The following TSHZ2 variants were observed in gnomAD, a reference collection of about 807,000 sequenced individuals.
The protein encoded by TSHZ2 is teashirt homolog 2.
A neutral mutation model predicts 74.4 loss-of-function variants in TSHZ2; 21 were observed. The ratio of observed to expected loss-of-function variants is 0.28; its 90% confidence interval spans 0.20 to 0.41. The LOEUF (loss-of-function observed/expected upper bound fraction) is 0.41, where lower values mean the gene tolerates loss of function less well. Among genes scored for constraint, TSHZ2 ranks in the 10% least tolerant of loss-of-function variants. TSHZ2 has a pLI of 1.00. For synonymous variants in TSHZ2, 540 were observed against 515.3 expected (o/e 1.05, Z -0.65); for missense variants, 1,244 against 1,293.5 (o/e 0.96, Z 0.59).
intron 1 of TSHZ2, among the ~76,000 whole-genome samples, chr20:53,150,761 T>A (rs903131751): frequency 6.6e-6 from 1 of 151,448 alleles, no homozygotes; most frequent in Non-Finnish European, 1.5e-5. Context: ...AAGGAGAAGA[T>A]CTTAAAAAGA....
intron 2 of TSHZ2, among the ~76,000 whole-genome samples, chr20:53,458,391 G>T (rs1331147644): frequency 6.6e-6 from 1 of 151,942 alleles, no homozygotes; most frequent in Admixed American, 6.6e-5. Flanking sequence ...TATTTCTGTG[G>T]GATCAGTGGT....
At chr20:53,341,900 G>T (rs543420217) in intron 2 of TSHZ2, among the ~76,000 whole-genome samples, 15 of 152,228 alleles carry the variant, frequency 9.9e-5, no homozygotes, top group African/African-American at 3.4e-4. Context: ...TAGTAGAGAA[G>T]GGGCTTCACC....
intron 2 of TSHZ2, among the ~76,000 whole-genome samples, chr20:53,363,674 G>A (rs186289112): frequency 6.6e-5 from 10 of 152,332 alleles, no homozygotes; most frequent in East Asian, 3.9e-4. Flanking sequence ...GTGACTGGGC[G>A]TGGTGGCTCA....
intron 1 of TSHZ2, among the ~76,000 whole-genome samples, chr20:53,034,788 C>G (rs1462972160): frequency 2.0e-5 from 3 of 152,102 alleles, no homozygotes; most frequent in African/African-American, 7.2e-5. Flanking sequence ...AGAGAATGGC[C>G]CATGGTAAAG....
At chr20:52,974,838 G>T (rs917030702) in intron 1 of TSHZ2, among the ~76,000 whole-genome samples, 1 of 152,128 alleles carries the variant, frequency 6.6e-6, no homozygotes, top group Non-Finnish European at 1.5e-5. Flanking sequence ...TGGTTCAAGT[G>T]GCATGCAGAA....
At chr20:53,449,098 C>A (rs1034335413) in intron 2 of TSHZ2, among the ~76,000 whole-genome samples, 1 of 152,138 alleles carries the variant, frequency 6.6e-6, no homozygotes, top group Non-Finnish European at 1.5e-5. Context: ...TGACTCATCA[C>A]CCCCCAACAC....
chr20:53,487,045 G>A (rs1304239024), intron 2 of TSHZ2, 99 bp from the exon 3 acceptor site: 1 of 152,504 alleles, frequency 6.6e-6, no homozygotes, highest in Non-Finnish European at 1.5e-5. Flanking sequence ...GACAAATAAA[G>A]TAGTGGAGGT....
At chr20:53,131,410 G>A (rs1987096939) in intron 1 of TSHZ2, among the ~76,000 whole-genome samples, 1 of 152,162 alleles carries the variant, frequency 6.6e-6, no homozygotes, top group Non-Finnish European at 1.5e-5. Context: ...TCTAGCTGGA[G>A]GCCATTCTCT....
chr20:53,098,483 C>A (rs571042435), intron 1 of TSHZ2, among the ~76,000 whole-genome samples: 1 of 152,122 alleles, frequency 6.6e-6, no homozygotes, highest in Non-Finnish European at 1.5e-5. Flanking sequence ...ACTGTCCTAG[C>A]AATTAGTAAG....
intron 2 of TSHZ2, among the ~76,000 whole-genome samples, chr20:53,440,665 G>A (rs139523201): frequency 5.6e-4 from 86 of 152,286 alleles, no homozygotes; most frequent in South Asian, 2.3e-3. Context: ...TGGCTGTGCC[G>A]TAGAGTTGGG....
intron 2 of TSHZ2, among the ~76,000 whole-genome samples, chr20:53,277,876 G>A (rs1336523381): frequency 6.6e-6 from 1 of 152,152 alleles, no homozygotes; most frequent in East Asian, 1.9e-4. Flanking sequence ...TCCACCCAGA[G>A]GAGTTTTGAT....
chr20:53,323,062 T>C (rs952918752), intron 2 of TSHZ2, among the ~76,000 whole-genome samples: 2 of 152,118 alleles, frequency 1.3e-5, no homozygotes, highest in African/African-American at 4.8e-5. Context: ...GCCACAAAAG[T>C]CCCAAGCAAA....
At position 53,493,472 on chromosome 20, in the gene TSHZ2, AT is replaced by A. The variant is rs889172403; in HGVS notation, c.*6344del. The A allele has an allele frequency of 1.3e-5, 2 of 152,156 alleles. No homozygotes were observed. Among genetic ancestry groups the A allele is most frequent in the African/African-American group, 4.8e-5 (2 of 41,434 alleles). 9.4% of individuals were successfully genotyped at this position (152,156 alleles called of 1,614,324 possible). ...GTATTTTATCTAATAGTGCCTGAAA[AT>A]TTTTTTAATGTCTTCTTAGAAGAAG... On this transcript the variant is annotated 3_prime_UTR_variant, in exon 3 of 3. Transcript: ENST00000371497.
At chr20:53,001,226 G>GTGTATGTGTGTGTGTGTGTGTGTATA in intron 1 of TSHZ2, among the ~76,000 whole-genome samples, 1 of 146,836 alleles carries the variant, frequency 6.8e-6, no homozygotes, top group African/African-American at 2.5e-5. Context: ...GTGTGTGTGT[G>GTGTATGTGTGTGTGTGTGTGTGTATA]TGTGTGTGTG....
chr20:53,094,009 TAAAC>T (rs1356539670), intron 1 of TSHZ2, among the ~76,000 whole-genome samples: 10 of 147,330 alleles, frequency 6.8e-5, no homozygotes, highest in East Asian at 6.0e-4. Context: ...TTTTTTTAAA[TAAAC>T]CAGGGATTGA....
At chr20:53,038,742 C>T (rs1158378226) in intron 1 of TSHZ2, among the ~76,000 whole-genome samples, 1 of 152,102 alleles carries the variant, frequency 6.6e-6, no homozygotes, top group Admixed American at 6.5e-5. Flanking sequence ...AAAAGAGCAT[C>T]CAGAGAGATA....
intron 1 of TSHZ2, among the ~76,000 whole-genome samples, chr20:53,203,603 C>A (rs1173221217): frequency 6.6e-6 from 1 of 152,122 alleles, no homozygotes; most frequent in African/African-American, 2.4e-5. Context: ...CAGGCAGATT[C>A]TCCAGCATCC....
Position 53,482,108 on chromosome 20 carries a change from TAAAAAAAA to T in TSHZ2, c.*9-5017_*9-5010del, listed in dbSNP as rs570413572. 6.6e-4 allele frequency among the ~76,000 whole-genome samples: 49 copies of T among 74,340 alleles called. 2 individuals are homozygous for T. Among genetic ancestry groups the T allele is most frequent in the South Asian group, 1.6e-3 (3 of 1,878 alleles). 48.8% of individuals were successfully genotyped at this position (74,340 alleles called of 152,430 possible). On this transcript the variant is annotated intron_variant, in intron 2 of 2. Coordinates refer to ENST00000371497, the MANE Select transcript of TSHZ2 (RefSeq NM_173485.6). ...GCAACAAGAGCGAAACTCCATCTCA[TAAAAAAAA>T]AAAAAAAAAAAAAAAAAAGTAACTA...
At chr20:53,409,196 G>C (rs543609167) in intron 2 of TSHZ2, among the ~76,000 whole-genome samples, 32 of 152,082 alleles carry the variant, frequency 2.1e-4, no homozygotes, top group Admixed American at 2.0e-4. Flanking sequence ...ATTACAAAAG[G>C]CCCAACAAAT....
Sources: allele counts gnomAD v4.1 joint callset (sites outside exome capture counted in the v4.1 genomes callset), GRCh38; gene constraint gnomAD v4.1.1; transcripts MANE v1.5; gene names NCBI Gene and HGNC (gene_info 2026-07-23, HGNC 2026-07-21).